The following WWOX variants were observed in gnomAD, a reference collection of about 807,000 sequenced individuals.
The protein encoded by WWOX is WW domain containing oxidoreductase.
Under a neutral mutation model 46.2 loss-of-function variants are expected in WWOX, and 69 were observed. The ratio of observed to expected loss-of-function variants is 1.49; its 90% CI spans 1.23 to 1.82. The LOEUF is 1.82. Ranked by LOEUF, WWOX falls within the 40% of genes most tolerant of loss-of-function variation. WWOX has a pLI of 0.00. For synonymous variants in WWOX, 359 were observed against 202.6 expected (o/e 1.77, Z -6.56); for missense variants, 919 against 542.6 (o/e 1.69, Z -6.89).
intron 8 of WWOX, among the ~76,000 whole-genome samples, chr16:79,025,453 A>G (rs906129086): frequency 6.6e-6 from 1 of 152,216 alleles, no homozygotes; most frequent in Non-Finnish European, 1.5e-5. Flanking sequence ...CAGCAGAGAC[A>G]GAAGTGAAGA....
chr16:79,025,639 C>G (rs2047623064), intron 8 of WWOX, among the ~76,000 whole-genome samples: 1 of 152,134 alleles, frequency 6.6e-6, no homozygotes, highest in Admixed American at 6.5e-5. Context: ...CTTTAGACTT[C>G]TGGCCTCCAG....
intron 8 of WWOX, among the ~76,000 whole-genome samples, chr16:78,820,476 C>G (rs2151143085): frequency 6.6e-6 from 1 of 152,264 alleles, no homozygotes; most frequent in East Asian, 1.9e-4. Flanking sequence ...GATCTGAGAA[C>G]TTCTTGTAAG....
chr16:78,423,993 C>A (rs989958658), intron 6 of WWOX, among the ~76,000 whole-genome samples: 1 of 151,912 alleles, frequency 6.6e-6, no homozygotes, highest in East Asian at 1.9e-4. Context: ...GTGCCCTTCT[C>A]TTTACACAGA....
chr16:78,770,514 G>A (rs946700037), intron 8 of WWOX, among the ~76,000 whole-genome samples: 7 of 152,168 alleles, frequency 4.6e-5, no homozygotes, highest in African/African-American at 1.7e-4. Context: ...ATGGCAGAAA[G>A]GTTCTCACTG....
intron 8 of WWOX, among the ~76,000 whole-genome samples, chr16:78,503,411 G>T (rs113293919): frequency 6.6e-6 from 1 of 151,522 alleles, no homozygotes; most frequent in African/African-American, 2.4e-5. Context: ...CCATACTCCA[G>T]ATCTTCAGTG....
chr16:78,637,703 G>A (rs1016514809), intron 8 of WWOX, among the ~76,000 whole-genome samples: 10 of 152,200 alleles, frequency 6.6e-5, no homozygotes, highest in African/African-American at 2.4e-4. Context: ...CGCGGAGTAG[G>A]TGCTTAAGCC....
chr16:78,312,110 T>G (rs72792343), intron 5 of WWOX, among the ~76,000 whole-genome samples: 16,028 of 152,156 alleles, frequency 0.11, 913 homozygotes, highest in East Asian at 0.15. Flanking sequence ...CTCCTCCTCT[T>G]ACTTTTAAGG....
chr16:78,393,141 C>G (rs2082212194), intron 6 of WWOX, among the ~76,000 whole-genome samples: 1 of 152,076 alleles, frequency 6.6e-6, no homozygotes, highest in South Asian at 2.1e-4. Flanking sequence ...GCAGTGGTGT[C>G]CATAGGAGTA....
intron 8 of WWOX, among the ~76,000 whole-genome samples, chr16:78,845,254 T>C (rs771058064): frequency 8.6e-5 from 13 of 151,426 alleles, no homozygotes; most frequent in Middle Eastern, 3.2e-3. Context: ...TGGCTCAAAA[T>C]GAAACTTAAG....
intron 6 of WWOX, among the ~76,000 whole-genome samples, chr16:78,419,465 G>A (rs1350872518): frequency 6.6e-6 from 1 of 151,970 alleles, no homozygotes; most frequent in African/African-American, 2.4e-5. Flanking sequence ...AGACTTGAGA[G>A]TCCAGAAATG....
At chr16:79,096,070 G>A (rs567987249) in intron 8 of WWOX, among the ~76,000 whole-genome samples, 116 of 107,848 alleles carry the variant, frequency 1.1e-3, no homozygotes, top group African/African-American at 4.2e-3. Context: ...GTTTCACCAT[G>A]TTGTCAAGGC....
intron 5 of WWOX, among the ~76,000 whole-genome samples, chr16:78,374,281 A>C (rs1004460448): frequency 2.6e-5 from 4 of 152,064 alleles, no homozygotes; most frequent in Non-Finnish European, 5.9e-5. Flanking sequence ...TTAGAGTATC[A>C]AGTTATTTAA....
chr16:78,321,515 T>G (rs1408843785), intron 5 of WWOX, among the ~76,000 whole-genome samples: 5 of 151,738 alleles, frequency 3.3e-5, no homozygotes, highest in African/African-American at 4.8e-5. Context: ...GGATTCGTAG[T>G]CTGCCACGAG....
chr16:78,655,266 G>T (rs759459872), intron 8 of WWOX, among the ~76,000 whole-genome samples: 5 of 152,106 alleles, frequency 3.3e-5, no homozygotes, highest in African/African-American at 4.8e-5. Context: ...TGGGGCGTGG[G>T]CACTAATTTG....
At chr16:78,177,165 C>T (rs1351020461) in intron 5 of WWOX, among the ~76,000 whole-genome samples, 1 of 152,132 alleles carries the variant, frequency 6.6e-6, no homozygotes, top group Non-Finnish European at 1.5e-5. Flanking sequence ...TATAAAAGGG[C>T]GGGTACACAT....
At chr16:78,700,236 C>T (rs2048183914) in intron 8 of WWOX, among the ~76,000 whole-genome samples, 1 of 150,196 alleles carries the variant, frequency 6.7e-6, no homozygotes, top group Non-Finnish European at 1.5e-5. Flanking sequence ...AGGGCACCAG[C>T]ATGGTTGGTT....
intron 8 of WWOX, among the ~76,000 whole-genome samples, chr16:79,013,088 C>T (rs2047344416): frequency 6.6e-6 from 1 of 152,180 alleles, no homozygotes; most frequent in Non-Finnish European, 1.5e-5. Context: ...GGAAATGCTA[C>T]CAGTGAGCAG....
At chr16:78,595,042 T>G (rs964796154) in intron 8 of WWOX, among the ~76,000 whole-genome samples, 1 of 152,152 alleles carries the variant, frequency 6.6e-6, no homozygotes, top group Non-Finnish European at 1.5e-5. Context: ...GGGAAAGCAC[T>G]TTGTCAAGAG....
chr16:78,350,422 A>G (rs891689901), intron 5 of WWOX, among the ~76,000 whole-genome samples: 2 of 121,138 alleles, frequency 1.7e-5, no homozygotes, highest in African/African-American at 5.6e-5. Context: ...GAAACCCTTG[A>G]CTGGCATCCT....
Sources: allele counts gnomAD v4.1 joint callset (sites outside exome capture counted in the v4.1 genomes callset), GRCh38; gene constraint gnomAD v4.1.1; transcripts MANE v1.5; gene names NCBI Gene and HGNC (gene_info 2026-07-23, HGNC 2026-07-21).